The following COLEC12 variants were observed in gnomAD, a reference collection of about 807,000 sequenced individuals.
COLEC12 encodes collectin subfamily member 12.
A neutral mutation model predicts 71.1 loss-of-function variants in COLEC12; 33 were observed. That is an observed-to-expected ratio of 0.46 (90% CI 0.35 to 0.62). The LOEUF (loss-of-function observed/expected upper bound fraction) is 0.62. Among genes scored for constraint, COLEC12 ranks in the 20% least tolerant of loss-of-function variants. COLEC12 has a pLI of 0.00. For missense variants in COLEC12, 765 were observed against 916.1 expected, an observed-to-expected ratio of 0.84 and a Z score of 2.13; for synonymous variants, 350 against 353.0, an observed-to-expected ratio of 0.99 and a Z score of 0.10.
At chr18:455,426 C>T (rs1236490320) in intron 2 of COLEC12, among the ~76,000 whole-genome samples, 6 of 151,822 alleles carry the variant, frequency 4.0e-5, no homozygotes, top group Non-Finnish European at 7.4e-5. Flanking sequence ...TACAGGTGCC[C>T]GCCACCATGC....
chr18:460,347 T>C (rs1045518358), intron 2 of COLEC12, among the ~76,000 whole-genome samples: 7 of 152,100 alleles, frequency 4.6e-5, no homozygotes, highest in African/African-American at 1.5e-4. Flanking sequence ...CAGCCCAAGT[T>C]TCATTTTACG....
At chr18:445,734 G>C (rs1268364440) in intron 2 of COLEC12, among the ~76,000 whole-genome samples, 2 of 151,414 alleles carry the variant, frequency 1.3e-5, no homozygotes, top group Non-Finnish European at 2.9e-5. Flanking sequence ...CTGGGCTCAA[G>C]TGATTCCTTT....
rs78110732 is a variant in COLEC12, at chr18:411,930, T to C, written c.59-54408A>G. 1.7e-3 allele frequency among the ~76,000 whole-genome samples: 256 copies of C among 152,214 alleles called. 6 individuals are homozygous for C. In the East Asian group the frequency reaches 0.045, roughly 27 times the overall value. ...ACCAATCTGAATAACAGAGCGAATATAGATTGAAAAGCAAATAACAGAGCC... is the reference window on the plus strand; with the variant it reads ...ACCAATCTGAATAACAGAGCGAATACAGATTGAAAAGCAAATAACAGAGCC... On this transcript the variant is annotated intron_variant, in intron 2 of 9. Coordinates refer to ENST00000400256, the MANE Select transcript of COLEC12 (RefSeq NM_130386.3).
At chr18:490,307 A>G (rs1917597350) in intron 1 of COLEC12, among the ~76,000 whole-genome samples, 1 of 152,254 alleles carries the variant, frequency 6.6e-6, no homozygotes, top group African/African-American at 2.4e-5. Flanking sequence ...TGTCCAGTCC[A>G]GGCTGAATTG....
chr18:381,419 A>C (rs533383023), intron 2 of COLEC12, among the ~76,000 whole-genome samples: 1 of 152,210 alleles, frequency 6.6e-6, no homozygotes, highest in South Asian at 2.1e-4. Context: ...CACTGCATAC[A>C]TGTATCAAAA....
chr18:375,383 G>A (rs368222204), intron 2 of COLEC12, among the ~76,000 whole-genome samples: 16 of 151,576 alleles, frequency 1.1e-4, no homozygotes, highest in Admixed American at 4.6e-4. Context: ...CCCTTTTTTC[G>A]GGTTTTTACT....
In COLEC12 at chr18:500,200, T is replaced by C. The variant is rs1332673718; in HGVS notation, c.7+308A>G. On this transcript the variant is annotated intron_variant, in intron 1 of 9. Transcript: ENST00000400256. The surrounding 1 kb of genome is among the most constrained non-coding windows in gnomAD (Gnocchi z 5.3). ...CCTCCACTCTCCTCGGCAGGTTTTT[T>C]CAATTAAAAAGTTGGAAACGGGAAT... Among the ~76,000 whole-genome samples the C allele has an allele frequency of 6.6e-6, 1 of 152,182 alleles. No individual in the cohort carries two copies. The highest frequency in any genetic ancestry group is 1.5e-5 in the Non-Finnish European group (1 of 68,034).
At chr18:323,094 AGG>A (rs1913752213) in intron 8 of COLEC12, among the ~76,000 whole-genome samples, 3 of 152,152 alleles carry the variant, frequency 2.0e-5, no homozygotes, top group Admixed American at 6.5e-5. Context: ...GCATGGTGGC[AGG>A]CACCTGTAGT....
chr18:492,973 C>T (rs1351865923), intron 1 of COLEC12, among the ~76,000 whole-genome samples: 1 of 152,128 alleles, frequency 6.6e-6, no homozygotes, highest in African/African-American at 2.4e-5. Context: ...GAGGCTGAGG[C>T]GGGCAGATCA....
At chr18:411,263 T>C (rs1457907861) in intron 2 of COLEC12, among the ~76,000 whole-genome samples, 1 of 152,210 alleles carries the variant, frequency 6.6e-6, no homozygotes, top group Non-Finnish European at 1.5e-5. Context: ...ACAAAAGGTT[T>C]TGATGTGATT....
At chr18:325,551 G>A (rs1291722335) in intron 8 of COLEC12, among the ~76,000 whole-genome samples, 1 of 145,868 alleles carries the variant, frequency 6.9e-6, no homozygotes, top group African/African-American at 2.5e-5. Flanking sequence ...CTAGCAGGCA[G>A]CCTCCATTAA....
chr18:499,848 G>A (rs1917784894), intron 1 of COLEC12, among the ~76,000 whole-genome samples: 1 of 148,882 alleles, frequency 6.7e-6, no homozygotes, highest in Non-Finnish European at 1.5e-5. Context: ...AACCAGCTGA[G>A]GTGTGTCACC....
chr18:453,377 G>A (rs1028285416), intron 2 of COLEC12, among the ~76,000 whole-genome samples: 3 of 152,258 alleles, frequency 2.0e-5, no homozygotes, highest in African/African-American at 7.2e-5. Flanking sequence ...TGAGGAAGGA[G>A]GAGGAAGAGG....
chr18:447,992 T>G (rs1916685378), intron 2 of COLEC12, among the ~76,000 whole-genome samples: 1 of 152,210 alleles, frequency 6.6e-6, no homozygotes. Context: ...AGAATCTGAC[T>G]TTTGGGCACA....
chr18:368,673 G>A (rs1048608367), intron 2 of COLEC12, among the ~76,000 whole-genome samples: 25 of 151,698 alleles, frequency 1.6e-4, no homozygotes, highest in Non-Finnish European at 7.4e-5. Context: ...GACCAGCCTG[G>A]CTAACATGGT....
At chr18:469,234 A>C (rs183226431) in intron 2 of COLEC12, among the ~76,000 whole-genome samples, 8 of 152,364 alleles carry the variant, frequency 5.3e-5, no homozygotes, top group East Asian at 1.9e-4. Flanking sequence ...TGAACCTAGA[A>C]CACCACCAGA....
intron 9 of COLEC12, among the ~76,000 whole-genome samples, 159 bp downstream of exon 9, chr18:321,503 A>G (rs1304522331): frequency 2.0e-5 from 3 of 152,226 alleles, no homozygotes; most frequent in Non-Finnish European, 4.4e-5. Context: ...TGCTATTACT[A>G]TTTCCCTGAG....
At position 472,678 on chromosome 18, in the gene COLEC12, CAAAAAAAAAAAA is replaced by C. The variant is rs765169609; in HGVS notation, c.58+8017_58+8028del. On this transcript the variant is annotated intron_variant, in intron 2 of 9. Transcript: ENST00000400256. ...TGGGTGACAGAGTGAGGCCCTGTGA[CAAAAAAAAAAAA>C]AAAAAAAAAAAAAGAAGAAGAAGAA... 3.4e-4 allele frequency among the ~76,000 whole-genome samples: 32 copies of C among 93,648 alleles called. No homozygotes were observed. In the East Asian group the frequency reaches 6.3e-3, roughly 18 times the overall value. 61.4% of individuals were successfully genotyped at this position (93,648 alleles called of 152,430 possible). A position where few individuals can be genotyped will look rare whatever the true frequency, so the allele number is the denominator to read the frequency against.
chr18:441,561 A>G (rs1024408933), intron 2 of COLEC12, among the ~76,000 whole-genome samples: 3 of 152,190 alleles, frequency 2.0e-5, no homozygotes, highest in Admixed American at 2.0e-4. Flanking sequence ...GACGCTGTCC[A>G]TATGCTTGTA....
Sources: allele counts gnomAD v4.1 joint callset (sites outside exome capture counted in the v4.1 genomes callset), GRCh38; gene constraint gnomAD v4.1.1; non-coding constraint Gnocchi (gnomAD v3.1); transcripts MANE v1.5; gene names NCBI Gene and HGNC (gene_info 2026-07-23, HGNC 2026-07-21).